UBASH3A: variants seen among roughly 807,000 people sequenced by gnomAD.
UBASH3A encodes ubiquitin associated and SH3 domain containing A, also known as ubiquitin-associated and SH3 domain-containing protein A.
UBASH3A carries 63 observed loss-of-function variants against 73.5 expected under a neutral mutation model. The ratio of observed to expected loss-of-function variants is 0.86; its 90% CI spans 0.70 to 1.06. The LOEUF (loss-of-function observed/expected upper bound fraction) is 1.06, where lower values mean the gene tolerates loss of function less well. Among genes scored for constraint, UBASH3A ranks in the 50% least tolerant of loss-of-function variants. The pLI, the probability that UBASH3A is intolerant of heterozygous loss-of-function variation, is 0.00. For synonymous variants in UBASH3A, 363 were observed against 351.1 expected (o/e 1.03, Z -0.38); for missense variants, 860 against 859.0 (o/e 1.00, Z -0.02).
At chr21:42,426,335 T>A (rs2053434252) in intron 7 of UBASH3A, among the ~76,000 whole-genome samples, 1 of 152,242 alleles carries the variant, frequency 6.6e-6, no homozygotes, top group Non-Finnish European at 1.5e-5. Flanking sequence ...AGCCCCATCA[T>A]CTGAAGGGTG....
chr21:42,433,981 G>A (rs1239666931), intron 9 of UBASH3A, among the ~76,000 whole-genome samples: 1 of 152,068 alleles, frequency 6.6e-6, no homozygotes, highest in Non-Finnish European at 1.5e-5. Context: ...CAGGAGGCTT[G>A]GGGTCCCTTT....
chr21:42,445,877 G>C (rs999366596), intron 14 of UBASH3A, among the ~76,000 whole-genome samples: 14 of 152,120 alleles, frequency 9.2e-5, no homozygotes, highest in Non-Finnish European at 2.1e-4. Context: ...GTAGAGGTCT[G>C]CATGGATTTT....
chr21:42,445,332 A>G (rs531940981), intron 14 of UBASH3A, among the ~76,000 whole-genome samples: 6 of 152,342 alleles, frequency 3.9e-5, no homozygotes, highest in African/African-American at 1.4e-4. Context: ...TATGAAATTC[A>G]TCAGTCCACT....
intron 3 of UBASH3A, among the ~76,000 whole-genome samples, chr21:42,412,540 C>T (rs989811570): frequency 2.6e-5 from 4 of 152,136 alleles, no homozygotes; most frequent in African/African-American, 7.2e-5. Flanking sequence ...CTGTGGAACC[C>T]GACTCAGTGC....
At chr21:42,404,325 T>C (rs1462709401) in intron 1 of UBASH3A, 1 of 320,270 alleles carries the variant, frequency 3.1e-6, no homozygotes, top group Non-Finnish European at 5.7e-6. Flanking sequence ...AAGGCTGCCC[T>C]GTTCAATTTG....
intron 9 of UBASH3A, among the ~76,000 whole-genome samples, chr21:42,432,996 G>C (rs1188836049): frequency 6.6e-6 from 1 of 152,146 alleles, no homozygotes; most frequent in Non-Finnish European, 1.5e-5. Context: ...AGTTTTTTTA[G>C]CTATTGAATT....
At chr21:42,426,600 C>A in intron 7 of UBASH3A, 97 bp from the exon 8 acceptor site, 1 of 1,440,676 alleles carries the variant, frequency 6.9e-7, no homozygotes, top group South Asian at 1.3e-5. Context: ...TGAGGTTGTC[C>A]CGGACATTCT....
In UBASH3A at chr21:42,413,338, G is replaced by C; in HGVS notation, c.554-72G>C. ...AGTGGGTGGGTTCCAGGGGAGCAGA[G>C]CCCAGCAGCAATGGTGGGATGGCTG... On this transcript the variant is annotated intron_variant, in intron 4 of 14. Coordinates refer to ENST00000319294, the MANE Select transcript of UBASH3A (RefSeq NM_018961.4). The surrounding 1 kb of genome is among the most constrained non-coding windows in gnomAD (Gnocchi z 4.5). 6.5e-7 allele frequency: 1 copy of C among 1,540,012 alleles called. No homozygotes were observed. The highest frequency in any genetic ancestry group is 8.9e-7 in the Non-Finnish European group (1 of 1,120,664).
At chr21:42,428,258 C>A (rs868727140) in intron 8 of UBASH3A, among the ~76,000 whole-genome samples, 8 of 152,188 alleles carry the variant, frequency 5.3e-5, no homozygotes, top group Non-Finnish European at 8.8e-5. Flanking sequence ...GCGTCCCTGT[C>A]GCCATTTGCA....
intron 1 of UBASH3A, 86 bp downstream of exon 1, chr21:42,404,144 T>C (rs1601547790): frequency 4.2e-6 from 3 of 720,500 alleles, no homozygotes; most frequent in Admixed American, 4.1e-5. Context: ...GCTGCAGGGG[T>C]GTAGGGTACG....
chr21:42,424,019 C>T (rs747143117), intron 7 of UBASH3A, among the ~76,000 whole-genome samples: 4 of 152,068 alleles, frequency 2.6e-5, no homozygotes, highest in Admixed American at 6.5e-5. Flanking sequence ...CTTTCAAAAT[C>T]GGAAAATGAT....
At chr21:42,435,559 G>A (rs938108155) in intron 10 of UBASH3A, 11 of 150,446 alleles carry the variant, frequency 7.3e-5, no homozygotes, top group African/African-American at 2.7e-4. Flanking sequence ...TGGGAAGTCC[G>A]AGTTATAGAG....
At chr21:42,428,059 G>T (rs1490110907) in intron 8 of UBASH3A, among the ~76,000 whole-genome samples, 1 of 152,138 alleles carries the variant, frequency 6.6e-6, no homozygotes, top group South Asian at 2.1e-4. Context: ...TAAGAAGAGG[G>T]GATGAGGAAA....
rs1394818146 is a variant in UBASH3A, at chr21:42,418,361, T to C, written c.838-40T>C. Reference sequence around the variant, plus strand: ...TATTGCTGCCATTTTCCAATGTAAATCTTTGCTCGAGACGTGAAACCCCTT... The same window carrying C: ...TATTGCTGCCATTTTCCAATGTAAACCTTTGCTCGAGACGTGAAACCCCTT... On this transcript the variant is annotated intron_variant, in intron 6 of 14. Transcript: ENST00000319294. 3.2e-6 allele frequency: 5 copies of C among 1,582,998 alleles called. No homozygotes were observed. In the Admixed American group the frequency reaches 6.7e-5, roughly 21 times the overall value.
At chr21:42,444,387 C>A in intron 13 of UBASH3A, 147 bp from the exon 14 acceptor site, 1 of 687,880 alleles carries the variant, frequency 1.5e-6, no homozygotes, top group Middle Eastern at 4.0e-4. Flanking sequence ...TGAGCGGTTA[C>A]CAGCCACACT....
At chr21:42,423,369 G>C (rs937533783) in intron 7 of UBASH3A, among the ~76,000 whole-genome samples, 4 of 152,240 alleles carry the variant, frequency 2.6e-5, no homozygotes, top group Admixed American at 2.6e-4. Context: ...CTGCTTGAGA[G>C]GTGAGAAGAC....
intron 7 of UBASH3A, 95 bp from the exon 8 acceptor site, chr21:42,426,602 G>A (rs552900540): frequency 2.7e-4 from 399 of 1,451,820 alleles, no homozygotes; most frequent in South Asian, 8.4e-4. Flanking sequence ...AGGTTGTCCC[G>A]GACATTCTCA....
rs561578260 is a variant in UBASH3A at position 42,404,925 on chromosome 21, T to C, written c.113+867T>C. ...CACCAACATTGGGTTACAGCTTTCATGGCAAACCAGTGCCTTAAATCTGAC... is the reference window on the plus strand; with the variant it reads ...CACCAACATTGGGTTACAGCTTTCACGGCAAACCAGTGCCTTAAATCTGAC... On this transcript the variant is annotated intron_variant, in intron 1 of 14. Coordinates refer to ENST00000319294, the MANE Select transcript of UBASH3A (RefSeq NM_018961.4). 5.9e-5 allele frequency among the ~76,000 whole-genome samples: 9 copies of C among 152,362 alleles called. 1 individual carries two copies. The South Asian group carries it at 1.4e-3, about 25-fold the overall frequency.
intron 7 of UBASH3A, among the ~76,000 whole-genome samples, chr21:42,422,697 A>G (rs1384778813): frequency 1.3e-5 from 2 of 152,262 alleles, no homozygotes; most frequent in East Asian, 1.9e-4. Flanking sequence ...AATTTTATAT[A>G]TTGATTTGAA....
Sources: allele counts gnomAD v4.1 joint callset (sites outside exome capture counted in the v4.1 genomes callset), GRCh38; gene constraint gnomAD v4.1.1; non-coding constraint Gnocchi (gnomAD v3.1); transcripts MANE v1.5; gene names NCBI Gene and HGNC (gene_info 2026-07-23, HGNC 2026-07-21).